The following CYREN variants were observed in gnomAD, a reference collection of about 807,000 sequenced individuals.
The protein encoded by CYREN is cell cycle regulator of NHEJ.
A neutral mutation model predicts 9.7 loss-of-function variants in CYREN; 7 were observed. The observed-to-expected ratio is 0.72, with a 90% confidence interval of 0.41 to 1.36. The LOEUF (loss-of-function observed/expected upper bound fraction) is 1.36, where lower values mean the gene tolerates loss of function less well. Among genes scored for constraint, CYREN ranks in the 40% most tolerant of loss-of-function variants. The pLI is 0.01. For synonymous variants in CYREN, 76 were observed against 77.9 expected (o/e 0.98, Z 0.13); for missense variants, 215 against 198.1 (o/e 1.09, Z -0.51).
intron 2 of CYREN, among the ~76,000 whole-genome samples, chr7:135,147,366 A>G (rs1171262780): frequency 1.3e-5 from 2 of 152,152 alleles, no homozygotes; most frequent in African/African-American, 4.8e-5. Context: ...AGGGCAAGGA[A>G]GCAGAAGAGA....
Position 135,166,748 on chromosome 7 carries a change from T to C in CYREN, c.337A>G (p.Ser113Gly), listed in dbSNP as rs771460821. The stretch of plus-strand genomic sequence containing the variant: ...CCTGGAGCCAGTGCCTGTTTCCCAC[T>C]GTCCTCTTCCTCACTGCTGCTCCCA... ...SSGSSSEEED[S>G]GKQALAPGLS... is the part of the protein sequence containing the mutation. Residue 113 changes from serine to glycine, a missense_variant, in exon 4 of 4, where the codon AGT (serine) becomes GGT (glycine). Physicochemically the swap from Ser to Gly is moderately conservative, Grantham distance 56. Transcript: ENST00000393114. 4.3e-6 allele frequency: 7 copies of C among 1,614,108 alleles called. No individual in the cohort carries two copies. In the South Asian group the frequency reaches 5.5e-5, roughly 13 times the overall value.
At chr7:135,096,792 A>AAAGAAAGAAAGG (rs1458228094) in intron 2 of CYREN, among the ~76,000 whole-genome samples, 2 of 151,854 alleles carry the variant, frequency 1.3e-5, no homozygotes, top group East Asian at 1.9e-4. Context: ...AGAAAGAAAG[A>AAAGAAAGAAAGG]AAAAGGGAAG....
chr7:135,117,639 AAAC>A (rs1442313547), intron 2 of CYREN, among the ~76,000 whole-genome samples: 1 of 152,252 alleles, frequency 6.6e-6, no homozygotes, highest in Admixed American at 6.5e-5. Context: ...GTTGTAAGAA[AAAC>A]AACAACAACA....
intron 2 of CYREN, among the ~76,000 whole-genome samples, chr7:135,144,693 A>G (rs1395016973): frequency 5.9e-5 from 9 of 151,964 alleles, no homozygotes; most frequent in Admixed American, 5.9e-4. Flanking sequence ...AGGCAGGTGA[A>G]TCCCTTGAGC....
chr7:135,123,605 G>A (rs566108278), intron 2 of CYREN, among the ~76,000 whole-genome samples: 298 of 152,232 alleles, frequency 2.0e-3, no homozygotes, highest in African/African-American at 6.8e-3. Flanking sequence ...ATTCTCTAAG[G>A]TCAAAATGAA....
intron 2 of CYREN, among the ~76,000 whole-genome samples, chr7:135,146,134 A>G (rs1483730368): frequency 2.0e-5 from 3 of 152,178 alleles, no homozygotes; most frequent in Admixed American, 2.0e-4. Context: ...TAGGGACATT[A>G]ATTGGCCTAA....
intron 2 of CYREN, among the ~76,000 whole-genome samples, chr7:135,130,731 G>C (rs1042706468): frequency 6.6e-6 from 1 of 152,074 alleles, no homozygotes; most frequent in Non-Finnish European, 1.5e-5. Flanking sequence ...TGTAGTTCCA[G>C]TCCTAATTTT....
upstream of CYREN, among the ~76,000 whole-genome samples, chr7:135,171,874 C>T (rs930252089): frequency 6.6e-6 from 1 of 152,246 alleles, no homozygotes; most frequent in Non-Finnish European, 1.5e-5. Flanking sequence ...GGTGGAATGC[C>T]TTGCCAGAGC....
chr7:135,156,381 A>G (rs1455444872), intron 2 of CYREN, among the ~76,000 whole-genome samples: 1 of 152,060 alleles, frequency 6.6e-6, no homozygotes, highest in African/African-American at 2.4e-5. Flanking sequence ...GACATCTCAA[A>G]GGCTTTATTC....
chr7:135,109,670 G>C (rs953278416), intron 2 of CYREN, among the ~76,000 whole-genome samples: 1 of 152,046 alleles, frequency 6.6e-6, no homozygotes, highest in Non-Finnish European at 1.5e-5. Flanking sequence ...AACACTAGCA[G>C]GGGTATCTGT....
At chr7:135,119,545 C>A (rs1354033284) in intron 2 of CYREN, among the ~76,000 whole-genome samples, 2 of 150,236 alleles carry the variant, frequency 1.3e-5, no homozygotes, top group Non-Finnish European at 3.0e-5. Flanking sequence ...AATTTAACTT[C>A]TGAAAATGAG....
rs140279853 is a variant in CYREN at position 135,136,892 on chromosome 7, C to T, written n.356+31857G>A. ...AATTTTACCTTGGTCCATAATTGCA[C>T]TCCTTGTATTTGATACAAATATAAG... On this transcript the variant is annotated intron_variant and non_coding_transcript_variant, in intron 2 of 2. Coordinates refer to the CYREN transcript ENST00000459937. Among the ~76,000 whole-genome samples, 376 of 152,152 alleles carry T rather than the reference C, an allele frequency of 2.5e-3. 1 individual carries two copies. Among genetic ancestry groups the T allele is most frequent in the African/African-American group, 8.5e-3 (351 of 41,532 alleles).
intron 2 of CYREN, among the ~76,000 whole-genome samples, chr7:135,102,342 A>G (rs746969062): frequency 6.6e-6 from 1 of 152,172 alleles, no homozygotes; most frequent in Non-Finnish European, 1.5e-5. Flanking sequence ...TTTTTAGTTT[A>G]CCTTCCCTAA....
rs185712228 is a variant in CYREN at position 135,119,222 on chromosome 7, C to T, written n.357-24640G>A. ...CCCAAAGAAATTCATGCCAAGATAC[C>T]CCAAAATTTAAATTTTTTTTTTTTT... On this transcript the variant is annotated intron_variant and non_coding_transcript_variant, in intron 2 of 2. Coordinates refer to the CYREN transcript ENST00000459937. 5.8e-4 allele frequency among the ~76,000 whole-genome samples: 88 copies of T among 151,918 alleles called. No individual in the cohort carries two copies. In the Middle Eastern group the frequency reaches 0.014, roughly 23 times the overall value.
rs1826167949 is a variant in CYREN at position 135,115,320 on chromosome 7, C to T, written n.357-20738G>A. 7 of 1,118,442 alleles carry T rather than the reference C, an allele frequency of 6.3e-6. No homozygotes were observed. The Admixed American group carries it at 1.8e-4, about 29-fold the overall frequency. 69.3% of individuals were successfully genotyped at this position (1,118,442 alleles called of 1,614,324 possible). On this transcript the variant is annotated intron_variant and non_coding_transcript_variant, in intron 2 of 2. Transcript: ENST00000459937. The stretch of plus-strand genomic sequence containing the variant: ...AAAATCCTTGGCATATAATAATGCC[C>T]AATAAGTAATTGTGAATAGAGTTCA...
At chr7:135,101,385 T>C (rs1823807602) in intron 2 of CYREN, 1 of 374,386 alleles carries the variant, frequency 2.7e-6, no homozygotes, top group African/African-American at 2.1e-5. Flanking sequence ...ACTACTTTTG[T>C]AAAAGGATGA....
At chr7:135,104,721 T>C (rs1824387719) in intron 2 of CYREN, among the ~76,000 whole-genome samples, 1 of 152,200 alleles carries the variant, frequency 6.6e-6, no homozygotes, top group African/African-American at 2.4e-5. Flanking sequence ...GCCACATGTA[T>C]GTCTTCTTTT....
At chr7:135,150,632 C>G (rs946986501) in intron 2 of CYREN, among the ~76,000 whole-genome samples, 1 of 152,224 alleles carries the variant, frequency 6.6e-6, no homozygotes, top group Non-Finnish European at 1.5e-5. Flanking sequence ...AAGGCAGTCA[C>G]CAGTTTCTGG....
chr7:135,141,319 C>T (rs1313170973), intron 2 of CYREN, among the ~76,000 whole-genome samples: 1 of 151,996 alleles, frequency 6.6e-6, no homozygotes, highest in African/African-American at 2.4e-5. Context: ...TCCATTTCTT[C>T]TAGGTTTTCT....
Sources: gnomAD v4.1 joint callset for allele counts (sites outside exome capture counted in the v4.1 genomes callset) on GRCh38, gnomAD v4.1.1 for gene constraint, MANE v1.5 for transcripts, NCBI Gene and HGNC (gene_info 2026-07-23, HGNC 2026-07-21) for gene names.